Variants in VIRMA observed in about 807,000 individuals in gnomAD.
VIRMA encodes vir like m6A methyltransferase associated, also known as protein virilizer homolog.
VIRMA carries 65 observed loss-of-function variants against 182.4 expected under a neutral mutation model. That is an observed-to-expected ratio of 0.36 (90% CI 0.29 to 0.44). The LOEUF (loss-of-function observed/expected upper bound fraction) is 0.44, where lower values mean the gene tolerates loss of function less well. Among genes scored for constraint, VIRMA ranks in the 20% least tolerant of loss-of-function variants. The pLI is 1.00. For missense variants in VIRMA, 1,752 were observed against 2,158.1 expected, an observed-to-expected ratio of 0.81 and a Z score of 3.73; for synonymous variants, 709 against 743.1, an observed-to-expected ratio of 0.95 and a Z score of 0.75.
intron 5 of VIRMA, among the ~76,000 whole-genome samples, chr8:94,531,296 G>A (rs972103380): frequency 4.6e-5 from 7 of 152,174 alleles, no homozygotes; most frequent in Admixed American, 4.6e-4. Context: ...GTCAGGACTT[G>A]AGTATGCACA....
At chr8:94,491,965 T>A (rs1363238024) in intron 21 of VIRMA, 56 bp from the exon 22 acceptor site, 1 of 1,326,432 alleles carries the variant, frequency 7.5e-7, no homozygotes, top group Non-Finnish European at 1.0e-6. Flanking sequence ...CTAGCAAAAA[T>A]AATCTTTATA....
At chr8:94,502,329 C>T (rs1814016349) in intron 16 of VIRMA, among the ~76,000 whole-genome samples, 1 of 151,940 alleles carries the variant, frequency 6.6e-6, no homozygotes, top group African/African-American at 2.4e-5. Context: ...CAGAGTTAGA[C>T]CCTATCTCAA....
At chr8:94,512,719 G>A (rs1006041940) in intron 11 of VIRMA, among the ~76,000 whole-genome samples, 1 of 152,188 alleles carries the variant, frequency 6.6e-6, no homozygotes, top group African/African-American at 2.4e-5. Context: ...CAAGACTAGA[G>A]TAAACTGTGA....
In VIRMA at chr8:94,533,141, C is replaced by G. The variant is rs114205146; in HGVS notation, c.484+1698G>C. Among the ~76,000 whole-genome samples the G allele has an allele frequency of 6.1e-3, 925 of 150,954 alleles. 13 individuals are homozygous for G. Among genetic ancestry groups the G allele is most frequent in the African/African-American group, 0.021 (881 of 41,126 alleles). ...CACAAATATATGTAAAACATACTTT[C>G]TATCCACAAGGAGCTCACGGTTTGG... On this transcript the variant is annotated intron_variant, in intron 5 of 23. Coordinates refer to ENST00000297591, the MANE Select transcript of VIRMA (RefSeq NM_015496.5).
chr8:94,540,014 T>C (rs1184656048), intron 2 of VIRMA, among the ~76,000 whole-genome samples: 1 of 152,206 alleles, frequency 6.6e-6, no homozygotes, highest in Non-Finnish European at 1.5e-5. Flanking sequence ...GAGATATAAA[T>C]TTCTTTATAA....
At chr8:94,492,890 C>A (rs1244092706) in intron 20 of VIRMA, 72 bp from the exon 21 acceptor site, 30 of 1,188,522 alleles carry the variant, frequency 2.5e-5, no homozygotes, top group Non-Finnish European at 1.2e-6. Context: ...TACAGAAATT[C>A]TTATTACCTA....
Position 94,514,853 on chromosome 8 carries a change from T to C in VIRMA, c.2751+16A>G. 7.0e-7 allele frequency: 1 copy of C among 1,427,578 alleles called. No individual in the cohort carries two copies. Among genetic ancestry groups the C allele is most frequent in the Non-Finnish European group, 9.7e-7 (1 of 1,026,634 alleles). 88.4% of individuals were successfully genotyped at this position (1,427,578 alleles called of 1,614,324 possible). A position where few individuals can be genotyped will look rare whatever the true frequency, so the allele number is the denominator to read the frequency against. On this transcript the variant is annotated intron_variant, in intron 11 of 23. Coordinates refer to ENST00000297591, the MANE Select transcript of VIRMA (RefSeq NM_015496.5). The stretch of plus-strand genomic sequence containing the variant: ...CAGTTTCAAAAAGTCAAAGCACTTT[T>C]AAGTTTTACACTTACCTGCTTAACA...
At position 94,553,431 on chromosome 8, in the gene VIRMA, G is replaced by A. The variant is rs761952669; in HGVS notation, c.17C>T (p.Ala6Val). The A allele has an allele frequency of 1.2e-6, 2 of 1,614,142 alleles. No homozygotes were observed. The highest frequency in any genetic ancestry group is 1.7e-5 in the Admixed American group (1 of 60,018). ...AGTATCTAAAAATAACAGCTCCATC[G>A]CCGAGTCCACCGCCATGTTTGCCGC... is the stretch of plus-strand genomic sequence containing the variant. Reference protein sequence around the residue: MAVDSAMELLFLDTFK... With the variant: MAVDSVMELLFLDTFK... Residue 6 changes from alanine (A) to valine (V), a missense_variant, in exon 1 of 24, where the codon GCG becomes GTG. This residue lies in a region of VIRMA where 195 missense variants were observed against 191.7 expected (regional missense o/e 1.02). Coordinates refer to ENST00000297591, the MANE Select transcript of VIRMA (RefSeq NM_015496.5).
chr8:94,529,859 C>T (rs1399801510), intron 6 of VIRMA, among the ~76,000 whole-genome samples: 2 of 152,090 alleles, frequency 1.3e-5, no homozygotes, highest in African/African-American at 2.4e-5. Context: ...AGGCTGGTCT[C>T]GAACTCCTGA....
rs756116471 is a variant in VIRMA at position 94,529,221 on chromosome 8, T to G, written c.729A>C (p.Glu243Asp). The G allele has an allele frequency of 6.4e-7, 1 of 1,551,318 alleles. No homozygotes were observed. Among genetic ancestry groups the G allele is most frequent in the Non-Finnish European group, 8.9e-7 (1 of 1,122,958 alleles). ...QYSDEGEVEE[E>D]QQEEGEEDED... ...CATCTTCTTCTCCTTCTTCTTGTTG[T>G]TCCTCTTCTACTTCTCCTTCATCAG... The change falls in exon 7 of 24, where the codon GAA (glutamate) becomes GAC (aspartate). Residue 243 changes from glutamate to aspartate, a missense_variant. Transcript: ENST00000297591.
At chr8:94,525,984 ATTG>A (rs1180015438) in intron 8 of VIRMA, among the ~76,000 whole-genome samples, 5 of 152,238 alleles carry the variant, frequency 3.3e-5, no homozygotes, top group Non-Finnish European at 7.3e-5. Flanking sequence ...TACAAGCATC[ATTG>A]TTAATTACTA....
At chr8:94,505,412 G>A (rs894980082) in intron 16 of VIRMA, among the ~76,000 whole-genome samples, 1 of 152,068 alleles carries the variant, frequency 6.6e-6, no homozygotes, top group Non-Finnish European at 1.5e-5. Flanking sequence ...TCAGGGCATC[G>A]GCAGAAAAAT....
intron 5 of VIRMA, 43 bp downstream of exon 5, chr8:94,534,789 TAAACCAC>T: frequency 6.4e-7 from 1 of 1,572,040 alleles, no homozygotes. Flanking sequence ...TTTTTTTTTT[TAAACCAC>T]GGATATAAGT....
chr8:94,526,305 G>A lies in VIRMA; in HGVS notation c.1939C>T (p.Gln647Ter). 6.2e-7 allele frequency: 1 copy of A among 1,613,930 alleles called. No homozygotes were observed. The highest frequency in any genetic ancestry group is 8.5e-7 in the Non-Finnish European group (1 of 1,179,838). ...LMETAPHTMI[Q>*]QPVKSFPTMA... is the part of the protein sequence containing the mutation. ...GTTGGGAAAGACTTAACAGGTTGTT[G>A]GATCATTGTATGAGGGGCAGTTTCC... The change falls in exon 8 of 24, where the codon CAA (glutamine) becomes TAA (stop). Residue 647 changes from glutamine to a stop codon, truncating the protein, a stop_gained. Transcript: ENST00000297591. LOFTEE classifies it high-confidence loss of function.
intron 22 of VIRMA, 33 bp downstream of exon 22, chr8:94,491,545 T>C: frequency 6.6e-7 from 1 of 1,522,918 alleles, no homozygotes; most frequent in Admixed American, 1.7e-5. Context: ...TCCAATATTC[T>C]AACCCATTAG....
rs778295474 is a variant in VIRMA, at chr8:94,526,856, A to G, written c.1388T>C (p.Val463Ala). The G allele has an allele frequency of 4.4e-5, 71 of 1,614,074 alleles. 4 individuals carry two copies. In the South Asian group the frequency reaches 7.4e-4, roughly 17 times the overall value. Residue 463 changes from valine to alanine, a missense_variant, in exon 8 of 24, where the codon GTG becomes GCG. By Grantham distance (64) the Val-to-Ala change is moderately conservative. Transcript: ENST00000297591. Reference protein sequence around the residue: ...VRQLKAGTKLVSSLAECGAQG... With the variant: ...VRQLKAGTKLASSLAECGAQG... ...AGCCCCACATTCTGCTAGTGAGGAC[A>G]CTAATTTGGTCCCAGCTTTGAGCTG...
intron 1 of VIRMA, among the ~76,000 whole-genome samples, chr8:94,552,329 T>C (rs888297650): frequency 2.0e-5 from 3 of 151,694 alleles, no homozygotes; most frequent in Non-Finnish European, 4.4e-5. Context: ...ATCATTACTA[T>C]CTCATAAAAG....
intron 22 of VIRMA, 45 bp from the exon 23 acceptor site, chr8:94,490,127 A>G (rs773529239): frequency 2.6e-6 from 4 of 1,563,368 alleles, no homozygotes; most frequent in Non-Finnish European, 3.5e-6. Context: ...TCACAACTTC[A>G]GTTGGATTCT....
At chr8:94,510,747 T>C (rs1301279287) in intron 13 of VIRMA, 95 bp from the exon 14 acceptor site, 8 of 915,324 alleles carry the variant, frequency 8.7e-6, no homozygotes, top group Middle Eastern at 3.0e-4. Context: ...GAAAAGAACA[T>C]TTTTACTGCA....
Sources: allele counts gnomAD v4.1 joint callset (sites outside exome capture counted in the v4.1 genomes callset), GRCh38; gene constraint gnomAD v4.1.1; regional missense constraint gnomAD v4.1.1; transcripts MANE v1.5; gene names NCBI Gene and HGNC (gene_info 2026-07-23, HGNC 2026-07-21).